TRAK1: variants seen among roughly 807,000 people sequenced by gnomAD.
TRAK1 encodes trafficking kinesin protein 1.
A neutral mutation model predicts 92.1 loss-of-function variants in TRAK1; 33 were observed. The ratio of observed to expected loss-of-function variants is 0.36; its 90% CI spans 0.27 to 0.48. The LOEUF (loss-of-function observed/expected upper bound fraction) is 0.48, where lower values mean the gene tolerates loss of function less well. Among genes scored for constraint, TRAK1 ranks in the 20% least tolerant of loss-of-function variants. The pLI is 0.99. For synonymous variants in TRAK1, 521 were observed against 517.3 expected, an observed-to-expected ratio of 1.01 and a Z score of -0.10; for missense variants, 1,123 against 1,257.9, an observed-to-expected ratio of 0.89 and a Z score of 1.62.
Position 42,163,131 on chromosome 3 carries a change from T to A in TRAK1, c.287-13683T>A, listed in dbSNP as rs1701454896. On this transcript the variant is annotated intron_variant, in intron 2 of 15. Coordinates refer to ENST00000327628, the MANE Select transcript of TRAK1 (RefSeq NM_001042646.3). ...TTTATGGGAGGAAATGTGAACAACT[T>A]GTCTAAAGTCACACAGTGAGTTAAG... Among the ~76,000 whole-genome samples, 3 of 152,232 alleles carry A rather than the reference T, an allele frequency of 2.0e-5. No individual in the cohort carries two copies. The South Asian group carries it at 6.2e-4, about 31-fold the overall frequency.
At chr3:42,187,193 G>A (rs1023324546) in intron 4 of TRAK1, among the ~76,000 whole-genome samples, 2 of 152,266 alleles carry the variant, frequency 1.3e-5, no homozygotes, top group Admixed American at 6.5e-5. Context: ...AACGAGGTCT[G>A]GCTGGGCTTG....
chr3:42,069,018 G>C (rs1356292938), intron 1 of TRAK1, among the ~76,000 whole-genome samples: 1 of 152,134 alleles, frequency 6.6e-6, no homozygotes, highest in African/African-American at 2.4e-5. Context: ...GTCATGGTTA[G>C]GAAATGTGCT....
intron 15 of TRAK1, chr3:42,220,465 G>A (rs1033520254): frequency 7.1e-6 from 7 of 985,028 alleles, no homozygotes; most frequent in Non-Finnish European, 8.4e-6. Context: ...CAGTCAGCCA[G>A]GGAGCACCTT....
chr3:42,157,094 G>A (rs62257334), intron 2 of TRAK1, among the ~76,000 whole-genome samples: 4 of 151,680 alleles, frequency 2.6e-5, no homozygotes, highest in Non-Finnish European at 4.4e-5. Flanking sequence ...GGAGGTTGCA[G>A]CAAGCAGAGA....
intron 2 of TRAK1, among the ~76,000 whole-genome samples, chr3:42,138,488 A>G (rs1450537069): frequency 2.0e-5 from 3 of 152,208 alleles, no homozygotes; most frequent in Non-Finnish European, 4.4e-5. Context: ...TTCCATAAAA[A>G]CAAAACAAGA....
At chr3:42,221,071 C>CTTTTTTTTTTTTT (rs369421571) in intron 15 of TRAK1, among the ~76,000 whole-genome samples, 1 of 85,396 alleles carries the variant, frequency 1.2e-5, no homozygotes, top group African/African-American at 5.0e-5. Flanking sequence ...AGAGAAGGCT[C>CTTTTTTTTTTTTT]TTTTTTTTTT....
chr3:42,030,488 C>CG (rs1553701614), intron 1 of TRAK1, among the ~76,000 whole-genome samples: 1 of 149,826 alleles, frequency 6.7e-6, no homozygotes, highest in African/African-American at 2.4e-5. Context: ...GCCTGCCCAA[C>CG]GTGATGAAAC....
chr3:42,172,205 G>T (rs1047034657), intron 2 of TRAK1, among the ~76,000 whole-genome samples: 1 of 152,212 alleles, frequency 6.6e-6, no homozygotes, highest in African/African-American at 2.4e-5. Context: ...GCCACTGTGG[G>T]TTGTGGGCAG....
At chr3:42,150,211 T>A (rs1699806211) in intron 2 of TRAK1, among the ~76,000 whole-genome samples, 1 of 152,122 alleles carries the variant, frequency 6.6e-6, no homozygotes, top group African/African-American at 2.4e-5. Flanking sequence ...TGTGTCCTTC[T>A]GTCACTACCT....
chr3:42,020,030 C>T (rs756726364), intron 1 of TRAK1, among the ~76,000 whole-genome samples: 4 of 152,142 alleles, frequency 2.6e-5, no homozygotes, highest in Non-Finnish European at 5.9e-5. Flanking sequence ...CTCAGCTGTT[C>T]ATGCCAAAGG....
At chr3:42,182,663 G>T (rs1194742605) in intron 3 of TRAK1, among the ~76,000 whole-genome samples, 1 of 152,160 alleles carries the variant, frequency 6.6e-6, no homozygotes, top group African/African-American at 2.4e-5. Context: ...ACTGTGGAAG[G>T]CCTGGAGGAG....
Position 42,223,984 on chromosome 3 carries a change from A to G in TRAK1, c.*247A>G, listed in dbSNP as rs910739179. The G allele has an allele frequency of 3.1e-5, 20 of 639,842 alleles. No homozygotes were observed. The highest frequency in any genetic ancestry group is 1.8e-4 in the African/African-American group (10 of 55,242). 39.6% of individuals were successfully genotyped at this position (639,842 alleles called of 1,614,324 possible). ...CCGATCCCACAGGAAGTGCCCCTGC[A>G]CTGTCATCACTCTCACGAGGACGTC... On this transcript the variant is annotated 3_prime_UTR_variant, in exon 16 of 16. Transcript: ENST00000327628. This position sits in a 1 kb window ranked among gnomAD's most constrained non-coding sequence, Gnocchi z 6.1.
At chr3:42,085,261 A>G (rs1421285271), upstream of TRAK1, among the ~76,000 whole-genome samples, 1 of 152,024 alleles carries the variant, frequency 6.6e-6, no homozygotes. Context: ...CCCGCCTCCC[A>G]GTTTCAAGTG....
At chr3:42,135,061 G>C (rs1697774425) in intron 2 of TRAK1, among the ~76,000 whole-genome samples, 1 of 152,200 alleles carries the variant, frequency 6.6e-6, no homozygotes, top group Non-Finnish European at 1.5e-5. Flanking sequence ...GCCATGGCAA[G>C]TGCAGGCTTG....
intron 2 of TRAK1, among the ~76,000 whole-genome samples, chr3:42,143,338 A>G (rs190934249): frequency 7.3e-6 from 1 of 137,092 alleles, no homozygotes; most frequent in Non-Finnish European, 1.5e-5. Flanking sequence ...AAATTCCATT[A>G]GCAAATAATC....
chr3:42,046,140 C>G lies in TRAK1; in HGVS notation c.-519+32023C>G, dbSNP rs373496872. ...TCTCTTTCCTATGTCAGGCCGGTAT[C>G]TAAGCCAGTAATGTGTGTTCTGGGC... is the stretch of plus-strand genomic sequence containing the variant. On this transcript the variant is annotated intron_variant, in intron 1 of 16. Transcript: ENST00000487159. Among the ~76,000 whole-genome samples the G allele has an allele frequency of 3.3e-5, 5 of 152,102 alleles. No homozygotes were observed. The East Asian group carries it at 9.6e-4, about 29-fold the overall frequency.
At chr3:42,187,893 T>C in intron 4 of TRAK1, 152 bp from the exon 5 acceptor site, 4 of 684,918 alleles carry the variant, frequency 5.8e-6, no homozygotes, top group East Asian at 2.5e-5. Flanking sequence ...GCCTCTTTTT[T>C]TGAATAGCAC....
At chr3:42,067,449 C>G (rs1004935769) in intron 1 of TRAK1, among the ~76,000 whole-genome samples, 6 of 152,182 alleles carry the variant, frequency 3.9e-5, no homozygotes, top group African/African-American at 1.4e-4. Flanking sequence ...TCCATAGCTG[C>G]AGAATCTGTT....
intron 7 of TRAK1, 119 bp from the exon 8 acceptor site, chr3:42,192,956 C>G: frequency 6.9e-7 from 1 of 1,443,272 alleles, no homozygotes; most frequent in Non-Finnish European, 9.4e-7. Flanking sequence ...CCTCCCCACT[C>G]TACCCTGTCT....
Sources: gnomAD v4.1 joint callset for allele counts (sites outside exome capture counted in the v4.1 genomes callset) on GRCh38, gnomAD v4.1.1 for gene constraint, Gnocchi (gnomAD v3.1) non-coding constraint, MANE v1.5 for transcripts, NCBI Gene and HGNC (gene_info 2026-07-23, HGNC 2026-07-21) for gene names.